The following MAFK variants were observed in gnomAD, a reference collection of about 807,000 sequenced individuals.
MAFK encodes transcription factor MafK.
A neutral mutation model predicts 9.2 loss-of-function variants in MAFK; 1 was observed. The observed-to-expected ratio is 0.11, with a 90% CI of 0.04 to 0.52. MAFK has a LOEUF of 0.52. MAFK is among the 20% of genes least tolerant of loss of function. MAFK has a pLI of 0.94. For synonymous variants in MAFK, 110 were observed against 107.4 expected (o/e 1.02, Z -0.15); for missense variants, 207 against 236.0 (o/e 0.88, Z 0.81).
chr7:1,537,753 C>T lies in MAFK; in HGVS notation c.-44-1396C>T, dbSNP rs3757851. ...TGGGTTGCGGGGGTGGGGCCCCCAT[C>T]GGAGGCAGGGCTGGAGGGTGGAGGG... On this transcript the variant is annotated intron_variant, in intron 1 of 2. Transcript: ENST00000343242. The T allele has an allele frequency of 1.6e-3, 1,507 of 953,046 alleles. 53 individuals carry two copies. In the East Asian group the frequency reaches 0.1, roughly 64 times the overall value. The allele number at this position is 953,046 out of a possible 1,614,324, so 59.0% of individuals were successfully genotyped here.
At chr7:1,538,462 G>C in intron 1 of MAFK, 1 of 959,486 alleles carries the variant, frequency 1.0e-6, no homozygotes, top group South Asian at 4.8e-5. Flanking sequence ...GCCGTGGTAG[G>C]TGTCCCGTGG....
Position 1,541,429 on chromosome 7 carries a change from G to C in MAFK, c.*1054G>C, listed in dbSNP as rs1272362727. On this transcript the variant is annotated 3_prime_UTR_variant, in exon 3 of 3. Coordinates refer to ENST00000343242, the MANE Select transcript of MAFK (RefSeq NM_002360.4). ...AGCCTGGGGGATGTTGGTGGACATG[G>C]ATGTGGAGGTGGAAGGAGGAGGACG... 2 of 153,530 alleles carry C rather than the reference G, an allele frequency of 1.3e-5. No homozygotes were observed. Among genetic ancestry groups the C allele is most frequent in the African/African-American group, 4.8e-5 (2 of 41,430 alleles). 9.5% of individuals were successfully genotyped at this position (153,530 alleles called of 1,614,324 possible). A position where few individuals can be genotyped will look rare whatever the true frequency, so the allele number is the denominator to read the frequency against.
In MAFK at chr7:1,541,897, G is replaced by A. The variant is rs893596249; in HGVS notation, c.*1522G>A. The A allele has an allele frequency of 2.0e-5, 3 of 152,418 alleles. No homozygotes were observed. Among genetic ancestry groups the A allele is most frequent in the African/African-American group, 7.2e-5 (3 of 41,458 alleles). 9.4% of individuals were successfully genotyped at this position (152,418 alleles called of 1,614,324 possible). A position where few individuals can be genotyped will look rare whatever the true frequency, so the allele number is the denominator to read the frequency against. ...GGCGGAATGTGAGCCGCCGGCCGGG[G>A]GCCGCCACATAAGACCTGCAAGGTG... On this transcript the variant is annotated 3_prime_UTR_variant, in exon 3 of 3. Transcript: ENST00000343242.
At chr7:1,539,870 C>A in intron 2 of MAFK, 71 bp from the exon 3 acceptor site, 2 of 1,335,976 alleles carry the variant, frequency 1.5e-6, no homozygotes, top group Non-Finnish European at 2.0e-6. Context: ...GGGTTCCTGG[C>A]CACCCCAGTG....
rs909544259 is a variant in MAFK, at chr7:1,538,753, G to A, written c.-44-396G>A. On this transcript the variant is annotated intron_variant, in intron 1 of 2. Coordinates refer to ENST00000343242, the MANE Select transcript of MAFK (RefSeq NM_002360.4). ...GGTGCAGACGTCTTCTCTGACCTCAGGGAGAGTCAGAACAGGAAGCAGCCA... is the reference window on the plus strand; with the variant it reads ...GGTGCAGACGTCTTCTCTGACCTCAAGGAGAGTCAGAACAGGAAGCAGCCA... 11 of 216,268 alleles carry A rather than the reference G, an allele frequency of 5.1e-5. No homozygotes were observed. In the East Asian group the frequency reaches 2.0e-3, roughly 38 times the overall value. 13.4% of individuals were successfully genotyped at this position (216,268 alleles called of 1,614,324 possible). A position where few individuals can be genotyped will look rare whatever the true frequency, so the allele number is the denominator to read the frequency against.
chr7:1,535,309 A>G (rs574625362), intron 1 of MAFK, among the ~76,000 whole-genome samples: 3 of 152,086 alleles, frequency 2.0e-5, no homozygotes, highest in African/African-American at 7.2e-5. Flanking sequence ...CCAGCCCCCC[A>G]CTGAGCAGGG....
Position 1,534,422 on chromosome 7 carries a change from T to C in MAFK, c.-45+3524T>C, listed in dbSNP as rs760871324. 37 of 431,756 alleles carry C rather than the reference T, an allele frequency of 8.6e-5. 1 individual carries two copies. The East Asian group carries it at 8.7e-4, about 10-fold the overall frequency. 26.7% of individuals were successfully genotyped at this position (431,756 alleles called of 1,614,324 possible). On this transcript the variant is annotated intron_variant, in intron 1 of 2. Transcript: ENST00000343242. The surrounding 1 kb of genome is among the most constrained non-coding windows in gnomAD (Gnocchi z 4.3). ...CAGAAAGGCTCCTGGGAGAGGCGGG[T>C]ACACCTTGGGTGGCCTCTGGTTTTG...
In MAFK at chr7:1,540,860, CCG is replaced by C; in HGVS notation, c.*487_*488del. 1 of 164,192 alleles carries C rather than the reference CCG, an allele frequency of 6.1e-6. No homozygotes were observed. Among genetic ancestry groups the C allele is most frequent in the Non-Finnish European group, 1.3e-5 (1 of 76,050 alleles). The allele number at this position is 164,192 out of a possible 1,614,324, so 10.2% of individuals were successfully genotyped here. On this transcript the variant is annotated 3_prime_UTR_variant, in exon 3 of 3. Transcript: ENST00000343242. ...GAGCCCCTCACTGCCCTGACCGACT[CCG>C]CAGTCCCCGGGGAGGAGCATGGATG...
chr7:1,540,099 G>A lies in MAFK; in HGVS notation c.195G>A (p.Ala65=), dbSNP rs1004568952. Residue 65 remains alanine, a synonymous_variant, in exon 3 of 3, where the codon GCG becomes GCA. Coordinates refer to ENST00000343242, the MANE Select transcript of MAFK (RefSeq NM_002360.4). The stretch of plus-strand genomic sequence containing the variant: ...GCACACTCAAGAACCGCGGCTACGC[G>A]GCCAGCTGCCGCATCAAGCGGGTGA... ...RRRTLKNRGY[A]ASCRIKRVTQ... is the part of the protein sequence containing the mutation. 5.7e-6 allele frequency: 9 copies of A among 1,568,520 alleles called. No individual in the cohort carries two copies. In the East Asian group the frequency reaches 7.0e-5, roughly 12 times the overall value.
At position 1,540,633 on chromosome 7, in the gene MAFK, G is replaced by C; in HGVS notation, c.*258G>C. The C allele has an allele frequency of 2.0e-6, 1 of 499,478 alleles. No individual in the cohort carries two copies. Among genetic ancestry groups the C allele is most frequent in the Non-Finnish European group, 3.5e-6 (1 of 283,160 alleles). 30.9% of individuals were successfully genotyped at this position (499,478 alleles called of 1,614,324 possible). On this transcript the variant is annotated 3_prime_UTR_variant, in exon 3 of 3. Coordinates refer to ENST00000343242, the MANE Select transcript of MAFK (RefSeq NM_002360.4). ...CCCCGCAGGATGTGTCTGTGTGTGGGAATTGGTATCTTGCACCCGTGGGAG... is the reference window on the plus strand; with the variant it reads ...CCCCGCAGGATGTGTCTGTGTGTGGCAATTGGTATCTTGCACCCGTGGGAG...
intron 1 of MAFK, among the ~76,000 whole-genome samples, chr7:1,535,361 A>G (rs376935887): frequency 2.6e-5 from 4 of 152,282 alleles, no homozygotes; most frequent in African/African-American, 9.6e-5. Context: ...TGGGACTTAA[A>G]AAGTTAAAAA....
intron 1 of MAFK, chr7:1,537,723 G>A (rs62435359): frequency 0.066 from 64,810 of 985,312 alleles, 2,279 homozygotes; most frequent in Non-Finnish European, 0.073. Context: ...TGTTGTGGGG[G>A]TTTGTGGGTT....
At chr7:1,537,787 C>A in intron 1 of MAFK, 1 of 779,612 alleles carries the variant, frequency 1.3e-6, no homozygotes, top group Non-Finnish European at 1.6e-6. Context: ...GGATTTGGGC[C>A]CGAGGGCTCC....
At position 1,542,905 on chromosome 7, in the gene MAFK, A is replaced by G. The variant is rs1784232139; in HGVS notation, c.*2530A>G. On this transcript the variant is annotated 3_prime_UTR_variant, in exon 3 of 3. Coordinates refer to ENST00000343242, the MANE Select transcript of MAFK (RefSeq NM_002360.4). ...CTTTTTATCATGATATAAATTATTG[A>G]AAACAGATCACATGTGGGCCCGTGT... 1 of 152,640 alleles carries G rather than the reference A, an allele frequency of 6.6e-6. No individual in the cohort carries two copies. Among genetic ancestry groups the G allele is most frequent in the African/African-American group, 2.4e-5 (1 of 41,450 alleles). 9.5% of individuals were successfully genotyped at this position (152,640 alleles called of 1,614,324 possible).
chr7:1,541,266 C>T lies in MAFK; in HGVS notation c.*891C>T, dbSNP rs764481404. ...GCGGACACAGGCAGGAGCGCCCCAT[C>T]ATTTGACGGTGAGCAGGACTCAGGC... On this transcript the variant is annotated 3_prime_UTR_variant, in exon 3 of 3. Transcript: ENST00000343242. 9.9e-4 allele frequency: 152 copies of T among 152,878 alleles called. No homozygotes were observed. The highest frequency in any genetic ancestry group is 1.1e-3 in the Non-Finnish European group (76 of 68,234). The allele number at this position is 152,878 out of a possible 1,614,324, so 9.5% of individuals were successfully genotyped here. A position where few individuals can be genotyped will look rare whatever the true frequency, so the allele number is the denominator to read the frequency against.
chr7:1,538,188 C>T (rs1392238287), intron 1 of MAFK: 29 of 828,200 alleles, frequency 3.5e-5, no homozygotes, highest in Admixed American at 6.2e-5. Flanking sequence ...GGGCTCATGC[C>T]GGGGATGCTT....
intron 1 of MAFK, chr7:1,537,728 T>C: frequency 1.0e-6 from 1 of 984,414 alleles, no homozygotes; most frequent in Non-Finnish European, 1.2e-6. Flanking sequence ...TGGGGGTTTG[T>C]GGGTTGCGGG....
intron 1 of MAFK, chr7:1,537,465 A>G (rs1454081559): frequency 2.0e-6 from 2 of 985,504 alleles, no homozygotes; most frequent in South Asian, 4.7e-5. Flanking sequence ...AAAGTTTCTC[A>G]TGGTGCTCCC....
In MAFK at chr7:1,532,102, C is replaced by T. The variant is rs746374963; in HGVS notation, c.-45+1204C>T. On this transcript the variant is annotated intron_variant, in intron 1 of 2. Coordinates refer to ENST00000343242, the MANE Select transcript of MAFK (RefSeq NM_002360.4). This position sits in a 1 kb window ranked among gnomAD's most constrained non-coding sequence, Gnocchi z 4.5. ...GGATATCTGTGTGGTTCGGCTCTGG[C>T]AGCGCCCTTCCCACCCCTCTGATTC... Among the ~76,000 whole-genome samples the T allele has an allele frequency of 9.9e-5, 15 of 152,228 alleles. No individual in the cohort carries two copies. Among genetic ancestry groups the T allele is most frequent in the Admixed American group, 2.0e-4 (3 of 15,284 alleles).
Sources: gnomAD v4.1 joint callset for allele counts (sites outside exome capture counted in the v4.1 genomes callset) on GRCh38, gnomAD v4.1.1 for gene constraint, Gnocchi (gnomAD v3.1) non-coding constraint, MANE v1.5 for transcripts, NCBI Gene and HGNC (gene_info 2026-07-23, HGNC 2026-07-21) for gene names.